USH2A: variants seen among roughly 807,000 people sequenced by gnomAD.
The protein encoded by USH2A is Usher syndrome 2A (autosomal recessive, mild).
Under a neutral mutation model 538.9 loss-of-function variants are expected in USH2A, and 443 were observed. The ratio of observed to expected loss-of-function variants is 0.82; its 90% CI spans 0.76 to 0.89. USH2A has a LOEUF of 0.89. Ranked by LOEUF, USH2A falls within the 40% of genes least tolerant of loss-of-function variation. The pLI, the probability that USH2A is intolerant of heterozygous loss-of-function variation, is 0.00. For missense variants in USH2A, 6,633 were observed against 6,324.8 expected (o/e 1.05, Z -1.65); for synonymous variants, 2,413 against 2,273.5 (o/e 1.06, Z -1.75).
chr1:216,232,245 T>A, intron 13 of USH2A, 109 bp from the exon 14 acceptor site: 1 of 1,221,610 alleles, frequency 8.2e-7, no homozygotes, highest in East Asian at 2.6e-5. Flanking sequence ...AAGGCACTAA[T>A]TCCCAATACA....
intron 38 of USH2A, chr1:215,901,410 T>C (rs907220485): frequency 4.5e-5 from 9 of 200,410 alleles, no homozygotes; most frequent in Non-Finnish European, 9.3e-5. Context: ...AAAATTGTAT[T>C]TTTCTGGAAT....
At chr1:216,044,214 C>T (rs1055424740) in intron 32 of USH2A, among the ~76,000 whole-genome samples, 8 of 152,154 alleles carry the variant, frequency 5.3e-5, no homozygotes, top group Middle Eastern at 3.4e-3. Context: ...AGTAAGCATA[C>T]GGGGCATACC....
intron 48 of USH2A, among the ~76,000 whole-genome samples, chr1:215,814,145 T>A (rs961230080): frequency 6.8e-6 from 1 of 147,936 alleles, no homozygotes; most frequent in African/African-American, 2.4e-5. Flanking sequence ...TAATACTATA[T>A]AATATAATAT....
chr1:215,747,838 C>T lies in USH2A; in HGVS notation c.11390-4503G>A, dbSNP rs143083241. On this transcript the variant is annotated intron_variant, in intron 58 of 71. Coordinates refer to ENST00000307340, the MANE Select transcript of USH2A (RefSeq NM_206933.4). ...CAGTAAAGCAGTGAGGAATAAAAGG[C>T]TGTTGTTTGAAGCCACAGGTTTTTT... is the stretch of plus-strand genomic sequence containing the variant. 2.9e-4 allele frequency among the ~76,000 whole-genome samples: 44 copies of T among 151,842 alleles called. 1 individual carries two copies. The East Asian group carries it at 5.0e-3, about 17-fold the overall frequency.
chr1:215,951,019 A>AT lies in USH2A; in HGVS notation c.7120+14297dup, dbSNP rs201279047. Among the ~76,000 whole-genome samples, 630 of 152,030 alleles carry AT rather than the reference A, an allele frequency of 4.1e-3. 4 individuals carry two copies. Among genetic ancestry groups the AT allele is most frequent in the African/African-American group, 0.015 (605 of 41,476 alleles). The stretch of plus-strand genomic sequence containing the variant: ...AAGACACCAGCTCCTGGATTCATTG[A>AT]TTTTTTTGAAGGGTTTTTTGTGTCT... On this transcript the variant is annotated intron_variant, in intron 37 of 71. Coordinates refer to ENST00000307340, the MANE Select transcript of USH2A (RefSeq NM_206933.4).
chr1:215,640,694 C>A lies in USH2A; in HGVS notation c.14832G>T (p.Leu4944Phe), dbSNP rs556415914. ...CACTCCAGTTCACACACACCACAGA[C>A]AAATTGCTGTCCACCGAAAATGGGG... ...YRAPFSVDSN[L>F]SVVCVNWSDT... The change falls in exon 68 of 72, where the codon TTG becomes TTT. Residue 4944 changes from leucine (L) to phenylalanine (F), a missense_variant. Transcript: ENST00000307340. 2 of 1,613,692 alleles carry A rather than the reference C, an allele frequency of 1.2e-6. No homozygotes were observed. Among genetic ancestry groups the A allele is most frequent in the Admixed American group, 1.7e-5 (1 of 59,976 alleles).
Position 215,888,676 on chromosome 1 carries a change from G to A in USH2A, c.7973C>T (p.Thr2658Ile). ...CTTTCCTTTGACTCTTCTCTCAATT[G>A]TGAAATTCTCCACCAAGCCATTGGG... ...THPNGLVENF[T>I]IERRVKGKEE... is the part of the protein sequence containing the mutation. The change falls in exon 41 of 72, where the codon ACA (threonine) becomes ATA (isoleucine). Residue 2658 changes from threonine (T) to isoleucine (I), a missense_variant. Physicochemically the swap from Thr to Ile is moderately conservative, Grantham distance 89 (BLOSUM62 -1). Coordinates refer to ENST00000307340, the MANE Select transcript of USH2A (RefSeq NM_206933.4). 3.7e-6 allele frequency: 6 copies of A among 1,614,128 alleles called. No homozygotes were observed. The highest frequency in any genetic ancestry group is 5.1e-6 in the Non-Finnish European group (6 of 1,180,006).
intron 61 of USH2A, among the ~76,000 whole-genome samples, chr1:215,727,718 C>T (rs567998384): frequency 2.8e-5 from 4 of 144,338 alleles, no homozygotes; most frequent in African/African-American, 8.1e-5. Context: ...GAATGAGAGC[C>T]TGTCTCAAAA....
At chr1:215,956,406 G>A (rs1667070490) in intron 37 of USH2A, among the ~76,000 whole-genome samples, 1 of 152,108 alleles carries the variant, frequency 6.6e-6, no homozygotes, top group Non-Finnish European at 1.5e-5. Context: ...CTCTAAATAG[G>A]AGAATTTTAT....
intron 41 of USH2A, among the ~76,000 whole-genome samples, chr1:215,882,259 A>C (rs758008828): frequency 6.6e-6 from 1 of 152,188 alleles, no homozygotes; most frequent in African/African-American, 2.4e-5. Flanking sequence ...GTGTAGACAT[A>C]AGATTGCATA....
intron 55 of USH2A, among the ~76,000 whole-genome samples, chr1:215,775,984 T>C (rs1463472316): frequency 6.6e-6 from 1 of 152,220 alleles, no homozygotes; most frequent in African/African-American, 2.4e-5. Flanking sequence ...TAGGCCCTTA[T>C]TATACGTTAT....
At chr1:215,759,921 T>C (rs886082472) in intron 56 of USH2A, 78 bp from the exon 57 acceptor site, 35 of 1,536,098 alleles carry the variant, frequency 2.3e-5, no homozygotes, top group Middle Eastern at 3.4e-4. Flanking sequence ...ATCCCCCCCA[T>C]GAACTGTGAT....
At chr1:215,627,433 C>T (rs372656156) in intron 71 of USH2A, among the ~76,000 whole-genome samples, 3,048 of 73,988 alleles carry the variant, frequency 0.041, 70 homozygotes, top group African/African-American at 0.091. Context: ...TCCTTCCTTC[C>T]TTCCTTCCTT....
At chr1:216,198,290 T>C (rs745467898) in intron 18 of USH2A, 25 bp downstream of exon 18, 2 of 1,613,470 alleles carry the variant, frequency 1.2e-6, no homozygotes, top group African/African-American at 2.7e-5. Flanking sequence ...GTTTTAAAAG[T>C]AGAATTTAAA....
intron 21 of USH2A, among the ~76,000 whole-genome samples, chr1:216,120,903 A>G (rs948566206): frequency 3.3e-5 from 5 of 152,170 alleles, no homozygotes; most frequent in Non-Finnish European, 7.3e-5. Context: ...ATATGATTAC[A>G]TGAGACAGCA....
At chr1:215,974,376 T>C (rs1216252943) in intron 35 of USH2A, among the ~76,000 whole-genome samples, 1 of 152,004 alleles carries the variant, frequency 6.6e-6, no homozygotes, top group Non-Finnish European at 1.5e-5. Flanking sequence ...GATTCGGGGG[T>C]TCATGTGCAG....
At chr1:216,035,303 G>T (rs1420397003) in intron 32 of USH2A, among the ~76,000 whole-genome samples, 1 of 152,074 alleles carries the variant, frequency 6.6e-6, no homozygotes, top group African/African-American at 2.4e-5. Flanking sequence ...CTTATAAAAA[G>T]GAGAAATTTG....
At chr1:216,215,960 G>GA (rs1336981685) in intron 15 of USH2A, among the ~76,000 whole-genome samples, 2 of 152,014 alleles carry the variant, frequency 1.3e-5, no homozygotes, top group African/African-American at 4.8e-5. Flanking sequence ...TCAAATGCAA[G>GA]AAGGAATAGG....
At position 215,671,097 on chromosome 1, in the gene USH2A, A is replaced by G; in HGVS notation, c.14008T>C (p.Tyr4670His). 1 of 1,614,162 alleles carries G rather than the reference A, an allele frequency of 6.2e-7. No individual in the cohort carries two copies. ...PLQPNGKVLY[Y>H]ELYRRQIATQ... ...GCTATTTGTCTTCTGTATAATTCGT[A>G]ATACAAAACTTTTCCATTTGGCTGC... The change falls in exon 64 of 72, where the codon TAC (tyrosine) becomes CAC (histidine). Residue 4670 changes from tyrosine (Y) to histidine (H), a missense_variant. Physicochemically the swap from Tyr to His is moderately conservative, Grantham distance 83. Coordinates refer to ENST00000307340, the MANE Select transcript of USH2A (RefSeq NM_206933.4).
Sources: allele counts gnomAD v4.1 joint callset (sites outside exome capture counted in the v4.1 genomes callset), GRCh38; gene constraint gnomAD v4.1.1; transcripts MANE v1.5; gene names NCBI Gene and HGNC (gene_info 2026-07-23, HGNC 2026-07-21).